The following MICAL2 variants were observed in gnomAD, a reference collection of about 807,000 sequenced individuals.
MICAL2 encodes microtubule associated monooxygenase, calponin and LIM domain containing 2.
A neutral mutation model predicts 127.3 loss-of-function variants in MICAL2; 77 were observed. The observed-to-expected ratio is 0.60, with a 90% confidence interval of 0.50 to 0.73. The LOEUF (loss-of-function observed/expected upper bound fraction) is 0.73. Ranked by LOEUF, MICAL2 falls within the 30% of genes least tolerant of loss-of-function variation. The probability of loss-of-function intolerance (pLI) is 0.00; values close to 1 mark genes in which losing one functional copy is unlikely to be tolerated. For missense variants in MICAL2, 1,351 were observed against 1,434.4 expected (o/e 0.94, Z 0.94); for synonymous variants, 570 against 551.1 (o/e 1.03, Z -0.48).
At chr11:12,296,108 C>T (rs1482807662), downstream of MICAL2, among the ~76,000 whole-genome samples, 1 of 151,814 alleles carries the variant, frequency 6.6e-6, no homozygotes, top group East Asian at 1.9e-4. Context: ...ATCCCCTCTC[C>T]TCCTTGCCAA....
intron 3 of MICAL2, among the ~76,000 whole-genome samples, chr11:12,186,862 C>A (rs1317050044): frequency 6.6e-6 from 1 of 152,222 alleles, no homozygotes; most frequent in African/African-American, 2.4e-5. Context: ...CTGTCTCTTC[C>A]TGAAGCCAGA....
At chr11:12,134,645 G>A (rs1016271382) in intron 1 of MICAL2, among the ~76,000 whole-genome samples, 4 of 152,194 alleles carry the variant, frequency 2.6e-5, no homozygotes, top group African/African-American at 9.7e-5. Context: ...GTTGAGGGCT[G>A]TTATTACTTG....
At chr11:12,239,372 A>T in intron 16 of MICAL2, 64 bp from the exon 17 acceptor site, 5 of 1,607,956 alleles carry the variant, frequency 3.1e-6, no homozygotes, top group Non-Finnish European at 4.3e-6. Context: ...TGAGTCCCCA[A>T]GTCTGCTTTC....
chr11:12,338,720 G>C (rs891211018), intron 32 of MICAL2, among the ~76,000 whole-genome samples: 7 of 152,106 alleles, frequency 4.6e-5, no homozygotes, highest in Admixed American at 2.6e-4. Flanking sequence ...ATGAAGCTTA[G>C]TTTGGCTGGA....
At chr11:12,242,934 A>T in intron 20 of MICAL2, 162 bp downstream of exon 20, 1 of 527,108 alleles carries the variant, frequency 1.9e-6, no homozygotes. Flanking sequence ...TGGCATCTAG[A>T]AAAGACCCAA....
At chr11:12,206,699 C>T (rs546141131) in intron 4 of MICAL2, among the ~76,000 whole-genome samples, 10 of 152,292 alleles carry the variant, frequency 6.6e-5, no homozygotes, top group South Asian at 4.1e-4. Context: ...ACCTCCAGCA[C>T]GGTGACCTCA....
intron 3 of MICAL2, among the ~76,000 whole-genome samples, chr11:12,177,978 G>A (rs1318394050): frequency 6.6e-6 from 1 of 152,224 alleles, no homozygotes; most frequent in Non-Finnish European, 1.5e-5. Flanking sequence ...AGGGTGATAA[G>A]AGTGTCTTTT....
chr11:12,264,489 C>T (rs1004036370), downstream of MICAL2, among the ~76,000 whole-genome samples: 1 of 152,232 alleles, frequency 6.6e-6, no homozygotes, highest in Non-Finnish European at 1.5e-5. Context: ...CTATCCTGGG[C>T]AGTGCCAAAG....
At chr11:12,184,655 C>T (rs745977551) in intron 3 of MICAL2, among the ~76,000 whole-genome samples, 1 of 152,162 alleles carries the variant, frequency 6.6e-6, no homozygotes, top group Non-Finnish European at 1.5e-5. Context: ...TTTACTGTCA[C>T]AAGAATGAGC....
Position 12,241,051 on chromosome 11 carries a change from C to T in MICAL2, c.2226C>T (p.Val742=). The change falls in exon 18 of 28, where the codon GTC becomes GTT. Residue 742 remains valine (V), a synonymous_variant. Transcript: ENST00000683283. Reference sequence around the variant, plus strand: ...CTTTCTTCTCCCAGGAACGCCGTGTCTCAGGGATAGGTAAGCCGGTCCTGT... The same window carrying T: ...CTTTCTTCTCCCAGGAACGCCGTGTTTCAGGGATAGGTAAGCCGGTCCTGT... The part of the protein sequence containing the change: ...NPSLMKQERR[V]SGIGKPVLCS... 1.2e-6 allele frequency: 2 copies of T among 1,614,068 alleles called. No homozygotes were observed. Among genetic ancestry groups the T allele is most frequent in the Non-Finnish European group, 8.5e-7 (1 of 1,179,978 alleles).
intron 2 of MICAL2, among the ~76,000 whole-genome samples, chr11:12,154,045 T>C (rs986409508): frequency 6.6e-6 from 1 of 152,184 alleles, no homozygotes; most frequent in Non-Finnish European, 1.5e-5. Flanking sequence ...TTGGAGGCAA[T>C]GCCTTTCCCA....
chr11:12,222,498 G>A lies in MICAL2; in HGVS notation c.1323-119G>A, dbSNP rs532849254. 65 of 1,353,670 alleles carry A rather than the reference G, an allele frequency of 4.8e-5. No homozygotes were observed. The Admixed American group carries it at 5.9e-4, about 12-fold the overall frequency. The allele number at this position is 1,353,670 out of a possible 1,614,324, so 83.9% of individuals were successfully genotyped here. On this transcript the variant is annotated intron_variant, in intron 10 of 27. Coordinates refer to ENST00000683283, the MANE Select transcript of MICAL2 (RefSeq NM_001282663.2). ...GGAGAGTCAGGTATTTCAGGGAAGG[G>A]TTAGACAAACATGTCCAGGAAGCCC...
chr11:12,330,080 G>T (rs1310034429), intron 32 of MICAL2, among the ~76,000 whole-genome samples: 1 of 152,096 alleles, frequency 6.6e-6, no homozygotes, highest in Non-Finnish European at 1.5e-5. Context: ...ATCAACAAGG[G>T]GCTGGAGACT....
chr11:12,277,375 T>G (rs532465483), intron 1 of MICAL2, among the ~76,000 whole-genome samples: 1 of 152,064 alleles, frequency 6.6e-6, no homozygotes. Context: ...AAGTGGGGAA[T>G]AGGCTGCTCT....
chr11:12,218,931 G>A (rs969943702), intron 8 of MICAL2, among the ~76,000 whole-genome samples: 3 of 152,124 alleles, frequency 2.0e-5, no homozygotes, highest in Non-Finnish European at 4.4e-5. Flanking sequence ...GAATTACAGG[G>A]GACAGGAATT....
In MICAL2 at chr11:12,162,188, G is replaced by A. The variant is rs1854894970; in HGVS notation, c.33G>A (p.Gln11=). Residue 11 remains glutamine, a synonymous_variant, in exon 3 of 28, where the codon CAG becomes CAA. Coordinates refer to ENST00000683283, the MANE Select transcript of MICAL2 (RefSeq NM_001282663.2). ...AAAACGAGGATGAGAAGCAGGCCCA[G>A]GCGGGGCAGGTTTTTGAGAACTTTG... MGENEDEKQA[Q]AGQVFENFVQ... The A allele has an allele frequency of 1.9e-6, 3 of 1,614,206 alleles. No individual in the cohort carries two copies.
chr11:12,360,877 A>G (rs1257562012), downstream of MICAL2, among the ~76,000 whole-genome samples: 1 of 152,214 alleles, frequency 6.6e-6, no homozygotes, highest in African/African-American at 2.4e-5. Flanking sequence ...ACTAGTACAT[A>G]AAAACCATTT....
intron 3 of MICAL2, among the ~76,000 whole-genome samples, chr11:12,185,859 T>G (rs560082916): frequency 3.3e-5 from 5 of 152,344 alleles, no homozygotes; most frequent in African/African-American, 1.2e-4. Context: ...TGCTTCAAAT[T>G]GAATCCCAAC....
chr11:12,165,379 G>C (rs374865360), intron 3 of MICAL2, among the ~76,000 whole-genome samples: 41 of 152,296 alleles, frequency 2.7e-4, no homozygotes, highest in African/African-American at 9.9e-4. Context: ...ACACTGTCTT[G>C]CTCACATACC....
Sources: gnomAD v4.1 joint callset for allele counts (sites outside exome capture counted in the v4.1 genomes callset) on GRCh38, gnomAD v4.1.1 for gene constraint, MANE v1.5 for transcripts, NCBI Gene and HGNC (gene_info 2026-07-23, HGNC 2026-07-21) for gene names.